KMT2C: variants seen among roughly 807,000 people sequenced by gnomAD.
KMT2C encodes the protein histone-lysine N-methyltransferase 2C.
A neutral mutation model predicts 507.9 loss-of-function variants in KMT2C; 88 were observed. The observed-to-expected ratio is 0.17, with a 90% CI of 0.15 to 0.21. The LOEUF is 0.21. KMT2C is among the 10% of genes least tolerant of loss of function. The probability of loss-of-function intolerance (pLI) is 1.00; values close to 1 mark genes in which losing one functional copy is unlikely to be tolerated. For synonymous variants in KMT2C, 2,049 were observed against 2,080.8 expected, an observed-to-expected ratio of 0.98 and a Z score of 0.42; for missense variants, 4,954 against 5,957.8, an observed-to-expected ratio of 0.83 and a Z score of 5.55.
In KMT2C at chr7:152,195,260, C is replaced by T. The variant is rs17173372; in HGVS notation, c.4378+647G>A. Among the ~76,000 whole-genome samples, 1,308 of 151,982 alleles carry T rather than the reference C, an allele frequency of 8.6e-3. 20 individuals are homozygous for T. The highest frequency in any genetic ancestry group is 0.03 in the African/African-American group (1,253 of 41,454). On this transcript the variant is annotated intron_variant, in intron 28 of 58. Transcript: ENST00000262189. ...GATCTTATATTAGGAACTAGCTCTA[C>T]GACATTTAGGTAATATTGTAAACCA... is the stretch of plus-strand genomic sequence containing the variant.
chr7:152,261,529 G>C (rs1280141594), intron 9 of KMT2C, among the ~76,000 whole-genome samples: 1 of 152,030 alleles, frequency 6.6e-6, no homozygotes, highest in Non-Finnish European at 1.5e-5. Context: ...ACCTACCTTA[G>C]TTAAATTATC....
intron 34 of KMT2C, among the ~76,000 whole-genome samples, chr7:152,185,027 G>A (rs2093580075): frequency 6.6e-6 from 1 of 152,200 alleles, no homozygotes; most frequent in African/African-American, 2.4e-5. Context: ...AAACTGCTGG[G>A]ATTACAGGTG....
In KMT2C at chr7:152,138,525, A is replaced by G; in HGVS notation, c.14643+271T>C. The G allele has an allele frequency of 3.1e-6, 1 of 326,224 alleles. No individual in the cohort carries two copies. Among genetic ancestry groups the G allele is most frequent in the Non-Finnish European group, 5.7e-6 (1 of 176,396 alleles). 20.2% of individuals were successfully genotyped at this position (326,224 alleles called of 1,614,324 possible). On this transcript the variant is annotated intron_variant, in intron 58 of 58. Coordinates refer to ENST00000262189, the MANE Select transcript of KMT2C (RefSeq NM_170606.3). This position sits in a 1 kb window ranked among gnomAD's most constrained non-coding sequence, Gnocchi z 4.2. ...GGATCCTATGGCACACAGAAATGAT[A>G]CCACCTGGGTGCCATGGGGATGCTG...
At chr7:152,187,151 T>A in intron 33 of KMT2C, 111 bp downstream of exon 33, 1 of 776,484 alleles carries the variant, frequency 1.3e-6, no homozygotes, top group East Asian at 2.5e-5. Flanking sequence ...ATGTTGTGGG[T>A]CATCATAGAC....
Position 152,435,960 on chromosome 7 carries a change from G to C in KMT2C, c.-174C>G. 1 of 553,240 alleles carries C rather than the reference G, an allele frequency of 1.8e-6. No individual in the cohort carries two copies. Among genetic ancestry groups the C allele is most frequent in the Non-Finnish European group, 2.9e-6 (1 of 341,146 alleles). The allele number at this position is 553,240 out of a possible 1,614,324, so 34.3% of individuals were successfully genotyped here. ...ACCGGGAGAGGCGGCAACATGGAGC[G>C]AGCAGGACACGCACTCACACACATC... On this transcript the variant is annotated 5_prime_UTR_variant, in exon 1 of 59. Coordinates refer to ENST00000262189, the MANE Select transcript of KMT2C (RefSeq NM_170606.3).
chr7:152,141,975 T>C (rs947685415), intron 55 of KMT2C, among the ~76,000 whole-genome samples: 3 of 152,138 alleles, frequency 2.0e-5, no homozygotes, highest in African/African-American at 7.2e-5. Context: ...TGAGCTGAGA[T>C]TGTGCCACCG....
At chr7:152,247,087 AACTT>A (rs1336160710) in intron 14 of KMT2C, among the ~76,000 whole-genome samples, 2 of 152,194 alleles carry the variant, frequency 1.3e-5, no homozygotes, top group African/African-American at 4.8e-5. Context: ...TCAATCATGA[AACTT>A]AAAACTCCAA....
chr7:152,317,964 C>A (rs1333780059), intron 3 of KMT2C, among the ~76,000 whole-genome samples: 3 of 151,540 alleles, frequency 2.0e-5, no homozygotes, highest in African/African-American at 4.8e-5. Flanking sequence ...ATGGTGAAAC[C>A]CCGTCTCTAC....
intron 3 of KMT2C, among the ~76,000 whole-genome samples, chr7:152,324,056 T>C (rs2096800670): frequency 6.6e-6 from 1 of 151,602 alleles, no homozygotes; most frequent in African/African-American, 2.4e-5. Flanking sequence ...AAGGAAATAG[T>C]AAGTTGTTGG....
intron 7 of KMT2C, among the ~76,000 whole-genome samples, chr7:152,268,235 C>T (rs1270240375): frequency 5.3e-5 from 8 of 151,992 alleles, no homozygotes; most frequent in African/African-American, 1.4e-4. Context: ...CTGGAGTTTG[C>T]GCCACTGCAC....
intron 1 of KMT2C, among the ~76,000 whole-genome samples, chr7:152,375,392 CTT>C (rs538387777): frequency 6.9e-6 from 1 of 145,876 alleles, no homozygotes; most frequent in Non-Finnish European, 1.5e-5. Context: ...CTGAACAAGT[CTT>C]TTTTTTTTTG....
intron 1 of KMT2C, chr7:152,368,108 C>G: frequency 1.1e-6 from 1 of 939,918 alleles, no homozygotes; most frequent in Non-Finnish European, 1.8e-6. Context: ...GCTAGTAATA[C>G]TATCATTGAA....
chr7:152,399,339 C>A (rs1198468960), intron 1 of KMT2C, among the ~76,000 whole-genome samples: 1 of 151,934 alleles, frequency 6.6e-6, no homozygotes, highest in Non-Finnish European at 1.5e-5. Context: ...AGCAAAAGAC[C>A]ATTTTAAACA....
chr7:152,324,580 TG>T (rs2096807641), intron 3 of KMT2C, among the ~76,000 whole-genome samples: 1 of 151,938 alleles, frequency 6.6e-6, no homozygotes, highest in Non-Finnish European at 1.5e-5. Flanking sequence ...GAAAAAAATT[TG>T]GAAGTGGGGA....
intron 1 of KMT2C, among the ~76,000 whole-genome samples, chr7:152,388,544 C>T (rs1220582329): frequency 6.6e-6 from 1 of 150,866 alleles, no homozygotes; most frequent in African/African-American, 2.4e-5. Flanking sequence ...GGCGACAGAG[C>T]GAGACTGTCT....
At chr7:152,262,359 C>T (rs1047562578) in intron 9 of KMT2C, among the ~76,000 whole-genome samples, 1 of 152,204 alleles carries the variant, frequency 6.6e-6, no homozygotes, top group Admixed American at 6.5e-5. Context: ...AACCTCGCAA[C>T]ACCAGCAGCC....
At position 152,135,511 on chromosome 7, in the gene KMT2C, C is replaced by A. The variant is rs1375945745; in HGVS notation, c.*1321G>T. On this transcript the variant is annotated 3_prime_UTR_variant, in exon 59 of 59. Coordinates refer to ENST00000262189, the MANE Select transcript of KMT2C (RefSeq NM_170606.3). ...GCAGCTGTAAGCATAATCACATCTC[C>A]TTTTTTTTTTTAACTTTTTCAAATT... The A allele has an allele frequency of 5.4e-6, 1 of 186,288 alleles. No individual in the cohort carries two copies. Among genetic ancestry groups the A allele is most frequent in the Non-Finnish European group, 1.1e-5 (1 of 91,108 alleles). The allele number at this position is 186,288 out of a possible 1,614,324, so 11.5% of individuals were successfully genotyped here. A position where few individuals can be genotyped will look rare whatever the true frequency, so the allele number is the denominator to read the frequency against.
At chr7:152,345,019 CCACAAAAAG>C (rs931423455) in intron 2 of KMT2C, among the ~76,000 whole-genome samples, 3 of 151,372 alleles carry the variant, frequency 2.0e-5, no homozygotes, top group South Asian at 4.2e-4. Flanking sequence ...TAAAATGAAA[CCACAAAAAG>C]CACAAAAAGA....
chr7:152,294,314 T>C (rs2096466631), intron 6 of KMT2C, among the ~76,000 whole-genome samples: 1 of 152,238 alleles, frequency 6.6e-6, no homozygotes, highest in Non-Finnish European at 1.5e-5. Flanking sequence ...CTTCTATCCC[T>C]GCATTTCAGA....
Sources: gnomAD v4.1 joint callset for allele counts (sites outside exome capture counted in the v4.1 genomes callset) on GRCh38, gnomAD v4.1.1 for gene constraint, Gnocchi (gnomAD v3.1) non-coding constraint, MANE v1.5 for transcripts, NCBI Gene and HGNC (gene_info 2026-07-23, HGNC 2026-07-21) for gene names.